Variants in MYO9B observed in about 807,000 individuals in gnomAD.
MYO9B encodes the protein myosin IXB.
MYO9B carries 71 observed loss-of-function variants against 229.5 expected under a neutral mutation model. The ratio of observed to expected loss-of-function variants is 0.31; its 90% confidence interval spans 0.26 to 0.38. MYO9B has a LOEUF of 0.38. Ranked by LOEUF, MYO9B falls within the 10% of genes least tolerant of loss-of-function variation. The pLI is 1.00. For missense variants in MYO9B, 2,255 were observed against 2,920.5 expected (o/e 0.77, Z 5.25); for synonymous variants, 1,185 against 1,235.8 (o/e 0.96, Z 0.86).
chr19:17,167,966 C>T lies in MYO9B; in HGVS notation c.1695C>T (p.Ile565=), dbSNP rs1174440198. The change falls in exon 11 of 40, where the codon ATC becomes ATT. Residue 565 remains isoleucine, a synonymous_variant. Transcript: ENST00000682292. ...AGGAGGAATATCAGGGCGAGGGGAT[C>T]ACGTGGCACAACATCGGCTACACAG... ...LEQEEYQGEG[I]TWHNIGYTDN... 6.3e-7 allele frequency: 1 copy of T among 1,586,694 alleles called. No individual in the cohort carries two copies. The highest frequency in any genetic ancestry group is 1.8e-5 in the Admixed American group (1 of 55,724).
At chr19:17,157,102 C>G in intron 7 of MYO9B, 64 bp downstream of exon 7, 2 of 1,557,868 alleles carry the variant, frequency 1.3e-6, no homozygotes, top group Non-Finnish European at 1.7e-6. Context: ...TCTCTCAGTA[C>G]GAGGGACCAT....
intron 24 of MYO9B, 87 bp downstream of exon 24, chr19:17,198,395 C>A: frequency 6.4e-7 from 1 of 1,554,284 alleles, no homozygotes; most frequent in Non-Finnish European, 8.7e-7. Context: ...GCCTCCTAAA[C>A]CAATCACGTT....
chr19:17,123,741 AACAC>A (rs1349915448), intron 2 of MYO9B, among the ~76,000 whole-genome samples: 1 of 151,972 alleles, frequency 6.6e-6, no homozygotes, highest in Middle Eastern at 3.2e-3. Context: ...TACAAGGAGA[AACAC>A]ACACACAGCT....
intron 32 of MYO9B, 25 bp downstream of exon 32, chr19:17,206,177 C>T: frequency 1.9e-6 from 3 of 1,608,102 alleles, no homozygotes; most frequent in Non-Finnish European, 2.5e-6. Context: ...CAGGTGGGTG[C>T]AGTGCCAGGC....
intron 1 of MYO9B, among the ~76,000 whole-genome samples, chr19:17,091,672 G>A (rs768574683): frequency 5.3e-5 from 8 of 152,184 alleles, no homozygotes; most frequent in Non-Finnish European, 1.2e-4. Flanking sequence ...AGGCCGATGA[G>A]CCTTGCAGGG....
chr19:17,168,089 C>A, intron 11 of MYO9B, 25 bp downstream of exon 11: 1 of 1,610,150 alleles, frequency 6.2e-7, no homozygotes, highest in East Asian at 2.2e-5. Context: ...CCCGTCCATC[C>A]CGGCACATCT....
At chr19:17,210,590 G>A (rs2073215857) in intron 37 of MYO9B, 125 bp from the exon 38 acceptor site, 11 of 1,316,110 alleles carry the variant, frequency 8.4e-6, no homozygotes, top group Non-Finnish European at 1.1e-5. Flanking sequence ...GGGATTCCTA[G>A]AGAAGTCTCA....
At chr19:17,097,493 T>A (rs1202607872) in intron 1 of MYO9B, among the ~76,000 whole-genome samples, 1 of 152,182 alleles carries the variant, frequency 6.6e-6, no homozygotes, top group Non-Finnish European at 1.5e-5. Flanking sequence ...GTTTTACAGC[T>A]AAATGGATAA....
chr19:17,120,085 C>T (rs1190154459), intron 2 of MYO9B, among the ~76,000 whole-genome samples: 1 of 151,396 alleles, frequency 6.6e-6, no homozygotes. Flanking sequence ...GATTGCAGGC[C>T]CATGATATGT....
chr19:17,105,784 G>C (rs1223921494), intron 2 of MYO9B, among the ~76,000 whole-genome samples: 2 of 152,044 alleles, frequency 1.3e-5, no homozygotes, highest in Non-Finnish European at 2.9e-5. Context: ...CTTCCTCTCT[G>C]AGGTCATCAG....
intron 14 of MYO9B, among the ~76,000 whole-genome samples, chr19:17,180,354 T>C (rs1401956692): frequency 8.0e-6 from 1 of 125,624 alleles, no homozygotes; most frequent in East Asian, 2.3e-4. Context: ...TTTTTTTTTT[T>C]TTTTTTTTTT....
chr19:17,206,859 G>A (rs1308379149), intron 34 of MYO9B, 75 bp downstream of exon 34: 2 of 1,355,128 alleles, frequency 1.5e-6, no homozygotes, highest in Admixed American at 2.0e-5. Context: ...TTCCCAGGAG[G>A]ACCCGAGCTG....
intron 28 of MYO9B, 29 bp downstream of exon 28, chr19:17,202,332 T>G (rs1436055018): frequency 5.8e-6 from 9 of 1,541,198 alleles, no homozygotes; most frequent in Non-Finnish European, 7.9e-6. Flanking sequence ...CACGCCCACC[T>G]GTGACATGCC....
intron 11 of MYO9B, among the ~76,000 whole-genome samples, chr19:17,171,200 G>C (rs1436314110): frequency 6.6e-6 from 1 of 152,176 alleles, no homozygotes; most frequent in Non-Finnish European, 1.5e-5. Context: ...TTGGGATCTG[G>C]GCATGCGTTC....
rs567103941 is a variant in MYO9B at position 17,187,581 on chromosome 19, T to A, written c.2578-354T>A. Among the ~76,000 whole-genome samples, 498 of 149,228 alleles carry A rather than the reference T, an allele frequency of 3.3e-3. 1 individual carries two copies. Among genetic ancestry groups the A allele is most frequent in the African/African-American group, 1.0e-2 (402 of 40,340 alleles). On this transcript the variant is annotated intron_variant, in intron 18 of 39. Transcript: ENST00000682292. ...TTTTCTTTTTTCTTTCTTTTTTTTT[T>A]AAAAAATAAATTTAAATGACTAGAG...
intron 34 of MYO9B, 40 bp from the exon 35 acceptor site, chr19:17,207,073 C>A: frequency 6.2e-7 from 1 of 1,603,442 alleles, no homozygotes; most frequent in Admixed American, 1.7e-5. Context: ...ACCTCCCTCC[C>A]TCGGCCCTAG....
Position 17,109,032 on chromosome 19 carries a change from TTTTATTTATTTATTTA to T in MYO9B, c.840+6511_840+6526del, listed in dbSNP as rs150315844. Among the ~76,000 whole-genome samples the T allele has an allele frequency of 5.8e-3, 796 of 136,612 alleles. 8 individuals are homozygous for T. Among genetic ancestry groups the T allele is most frequent in the African/African-American group, 9.2e-3 (334 of 36,346 alleles). 89.6% of individuals were successfully genotyped at this position (136,612 alleles called of 152,430 possible). On this transcript the variant is annotated intron_variant, in intron 2 of 39. Coordinates refer to ENST00000682292, the MANE Select transcript of MYO9B (RefSeq NM_004145.4). ...CTGGCCCCAAGAATCTTTTTTTTAA[TTTTATTTATTTATTTA>T]TTTATTTATTTATTTATTTATTTAT...
chr19:17,189,838 C>T (rs983840931), intron 19 of MYO9B, among the ~76,000 whole-genome samples: 14 of 151,594 alleles, frequency 9.2e-5, no homozygotes, highest in Non-Finnish European at 1.9e-4. Flanking sequence ...CTGAGGCGGG[C>T]GGATCACGAG....
At chr19:17,159,012 A>G (rs4808582) in intron 7 of MYO9B, among the ~76,000 whole-genome samples, 106,229 of 151,932 alleles carry the variant, frequency 0.7, 37,539 homozygotes, top group African/African-American at 0.79. Flanking sequence ...TGGCCAACAC[A>G]GAGAAACCCC....
Sources: allele counts gnomAD v4.1 joint callset (sites outside exome capture counted in the v4.1 genomes callset), GRCh38; gene constraint gnomAD v4.1.1; transcripts MANE v1.5; gene names NCBI Gene and HGNC (gene_info 2026-07-23, HGNC 2026-07-21).